KSR2: variants seen among roughly 807,000 people sequenced by gnomAD.
KSR2 encodes kinase suppressor of ras 2.
KSR2 carries 25 observed loss-of-function variants against 107.8 expected under a neutral mutation model. The observed-to-expected ratio is 0.23, with a 90% CI of 0.17 to 0.32. The LOEUF (loss-of-function observed/expected upper bound fraction) is 0.32, where lower values mean the gene tolerates loss of function less well. Among genes scored for constraint, KSR2 ranks in the 10% least tolerant of loss-of-function variants. The pLI is 1.00. For missense variants in KSR2, 887 were observed against 1,268.9 expected (o/e 0.70, Z 4.57); for synonymous variants, 480 against 507.0 (o/e 0.95, Z 0.71).
At chr12:117,817,177 T>C (rs1023545276) in intron 3 of KSR2, among the ~76,000 whole-genome samples, 2 of 152,198 alleles carry the variant, frequency 1.3e-5, no homozygotes, top group African/African-American at 4.8e-5. Context: ...ATAAGCCATT[T>C]AAGGACTGTT....
At chr12:117,651,745 C>A (rs1883914594) in intron 5 of KSR2, among the ~76,000 whole-genome samples, 1 of 152,168 alleles carries the variant, frequency 6.6e-6, no homozygotes, top group Non-Finnish European at 1.5e-5. Flanking sequence ...TCACTTTAGA[C>A]CTACTCATCC....
At chr12:117,967,928 C>T in intron 1 of KSR2, 148 bp downstream of exon 1, 1 of 673,802 alleles carries the variant, frequency 1.5e-6, no homozygotes. Context: ...AAAAGCAAAC[C>T]GTGCCCACCT....
intron 1 of KSR2, among the ~76,000 whole-genome samples, chr12:117,940,986 G>A (rs1055893966): frequency 6.6e-6 from 1 of 152,060 alleles, no homozygotes; most frequent in Non-Finnish European, 1.5e-5. Context: ...TCAGGGGACT[G>A]AGGCAGGAGA....
chr12:117,601,486 A>T (rs1163228020), intron 5 of KSR2, among the ~76,000 whole-genome samples: 1 of 152,150 alleles, frequency 6.6e-6, no homozygotes, highest in Non-Finnish European at 1.5e-5. Context: ...ATGGACACAG[A>T]GACCCACACA....
intron 1 of KSR2, among the ~76,000 whole-genome samples, chr12:117,955,119 C>CATTTT (rs1017923553): frequency 5.9e-5 from 9 of 151,774 alleles, no homozygotes; most frequent in Middle Eastern, 6.8e-3. Flanking sequence ...GTAAAATGAT[C>CATTTT]ATTTTATTTT....
intron 4 of KSR2, among the ~76,000 whole-genome samples, chr12:117,692,487 TATATATATATATATATATAC>T: frequency 1.2e-5 from 1 of 86,408 alleles, no homozygotes; most frequent in African/African-American, 4.5e-5. Context: ...TATATATATA[TATATATATATATATATATAC>T]ACACACACAT....
chr12:117,544,140 C>T (rs1368913690), intron 9 of KSR2, among the ~76,000 whole-genome samples: 1 of 152,204 alleles, frequency 6.6e-6, no homozygotes, highest in African/African-American at 2.4e-5. Flanking sequence ...GGCTGAACCA[C>T]AGTGGTATCT....
rs764241427 is a variant in KSR2 at position 117,476,552 on chromosome 12, G to A, written c.2494C>T (p.Leu832=). 1 of 1,611,420 alleles carries A rather than the reference G, an allele frequency of 6.2e-7. No homozygotes were observed. Among genetic ancestry groups the A allele is most frequent in the African/African-American group, 1.3e-5 (1 of 75,030 alleles). The stretch of plus-strand genomic sequence containing the variant: ...AGCTGGCGGATGATCTCTGGTGCCA[G>A]GTGGCATAGCCAGCCATTCTGGATG... ...LRIQNGWLCH[L]APEIIRQLSP... The change falls in exon 17 of 20, where the codon CTG becomes TTG. Residue 832 remains leucine (L), a synonymous_variant. Coordinates refer to ENST00000339824, the MANE Select transcript of KSR2 (RefSeq NM_173598.6).
At chr12:117,565,313 C>A (rs1308899916) in intron 7 of KSR2, among the ~76,000 whole-genome samples, 2 of 152,184 alleles carry the variant, frequency 1.3e-5, no homozygotes, top group Non-Finnish European at 2.9e-5. Context: ...GCTAACTTTA[C>A]AATAATCTGT....
chr12:117,553,012 C>T lies in KSR2; in HGVS notation c.1518+2157G>A, dbSNP rs190374003. On this transcript the variant is annotated intron_variant, in intron 9 of 19. Transcript: ENST00000339824. ...GTGAGTATAATAAAAGGATGATTGT[C>T]GTACGCCACTAAGTTTGGGTGGTTT... 5.7e-4 allele frequency among the ~76,000 whole-genome samples: 87 copies of T among 152,336 alleles called. 3 individuals carry two copies. The South Asian group carries it at 0.016, about 28-fold the overall frequency.
chr12:117,704,520 C>T (rs1886446146), intron 4 of KSR2, among the ~76,000 whole-genome samples: 1 of 152,100 alleles, frequency 6.6e-6, no homozygotes, highest in Admixed American at 6.6e-5. Flanking sequence ...CTCTGTGGTC[C>T]TTTACAGGAC....
intron 14 of KSR2, among the ~76,000 whole-genome samples, chr12:117,510,591 G>C (rs759617668): frequency 6.6e-6 from 1 of 152,156 alleles, no homozygotes; most frequent in African/African-American, 2.4e-5. Context: ...CAATGTCTGC[G>C]ACAGGCCGGG....
intron 3 of KSR2, among the ~76,000 whole-genome samples, chr12:117,810,315 A>G (rs900766427): frequency 6.6e-6 from 1 of 152,084 alleles, no homozygotes; most frequent in African/African-American, 2.4e-5. Flanking sequence ...ATTTTATTTT[A>G]TTTATTTATT....
chr12:117,513,312 AT>A (rs1874150294), intron 14 of KSR2, among the ~76,000 whole-genome samples: 1 of 152,190 alleles, frequency 6.6e-6, no homozygotes, highest in Admixed American at 6.5e-5. Flanking sequence ...GTCAATATCT[AT>A]TTATTATTTG....
Position 117,606,561 on chromosome 12 carries a change from C to T in KSR2, c.1172-24202G>A, listed in dbSNP as rs187862042. ...CCTCCCTGCCTCCCTTCCTTTCTTC[C>T]TCCCCTTCTTCCTCCCTTCCCTTCT... On this transcript the variant is annotated intron_variant, in intron 5 of 19. Coordinates refer to ENST00000339824, the MANE Select transcript of KSR2 (RefSeq NM_173598.6). Among the ~76,000 whole-genome samples the T allele has an allele frequency of 1.0e-3, 107 of 106,542 alleles. 1 individual carries two copies. The highest frequency in any genetic ancestry group is 2.8e-3 in the Admixed American group (30 of 10,574). The allele number at this position is 106,542 out of a possible 152,430, so 69.9% of individuals were successfully genotyped here. A position where few individuals can be genotyped will look rare whatever the true frequency, so the allele number is the denominator to read the frequency against.
In KSR2 at chr12:117,576,947, C is replaced by A. The variant is rs544516191; in HGVS notation, c.1325+2172G>T. ...CTGAGATTACAGGCATGAGACTCTG[C>A]ATCTGGCCTGTACTTCTCTTTATAC... On this transcript the variant is annotated intron_variant, in intron 7 of 19. Transcript: ENST00000339824. Among the ~76,000 whole-genome samples the A allele has an allele frequency of 2.0e-5, 3 of 152,300 alleles. No homozygotes were observed. In the South Asian group the frequency reaches 6.2e-4, roughly 32 times the overall value.
intron 3 of KSR2, among the ~76,000 whole-genome samples, chr12:117,827,505 G>A (rs897750409): frequency 2.0e-5 from 3 of 152,272 alleles, no homozygotes; most frequent in Non-Finnish European, 4.4e-5. Context: ...ATTCAATCAG[G>A]ATAATAATAA....
chr12:117,610,715 G>C (rs1194834385), intron 5 of KSR2, among the ~76,000 whole-genome samples: 7 of 148,526 alleles, frequency 4.7e-5, no homozygotes, highest in African/African-American at 1.7e-4. Flanking sequence ...CTCCAGCCTG[G>C]GTGACAGAGT....
chr12:117,562,705 T>C (rs972796858), intron 7 of KSR2, among the ~76,000 whole-genome samples: 3 of 152,220 alleles, frequency 2.0e-5, no homozygotes, highest in Non-Finnish European at 2.9e-5. Flanking sequence ...TGGCAATTTT[T>C]CCTCTCCAGA....
Sources: allele counts gnomAD v4.1 joint callset (sites outside exome capture counted in the v4.1 genomes callset), GRCh38; gene constraint gnomAD v4.1.1; transcripts MANE v1.5; gene names NCBI Gene and HGNC (gene_info 2026-07-23, HGNC 2026-07-21).